SH3GL2: variants seen among roughly 807,000 people sequenced by gnomAD.
SH3GL2 encodes endophilin-A1.
Under a neutral mutation model 46.0 loss-of-function variants are expected in SH3GL2, and 24 were observed. The ratio of observed to expected loss-of-function variants is 0.52; its 90% CI spans 0.38 to 0.73. The LOEUF (loss-of-function observed/expected upper bound fraction) is 0.73. Among genes scored for constraint, SH3GL2 ranks in the 30% least tolerant of loss-of-function variants. SH3GL2 has a pLI of 0.00. For synonymous variants in SH3GL2, 196 were observed against 147.1 expected (o/e 1.33, Z -2.40); for missense variants, 413 against 424.2 (o/e 0.97, Z 0.23).
intron 1 of SH3GL2, among the ~76,000 whole-genome samples, chr9:17,649,590 A>G (rs547056742): frequency 1.3e-5 from 2 of 152,370 alleles, no homozygotes; most frequent in Admixed American, 1.3e-4. Context: ...TTAAATGGAA[A>G]AAATAGTTTA....
chr9:17,727,235 T>C (rs1307928693), intron 1 of SH3GL2, among the ~76,000 whole-genome samples: 4 of 152,184 alleles, frequency 2.6e-5, no homozygotes, highest in African/African-American at 9.6e-5. Context: ...TTTTATACTG[T>C]TTATGTAAGT....
chr9:17,755,976 G>T (rs1822977078), intron 2 of SH3GL2: 1 of 164,514 alleles, frequency 6.1e-6, no homozygotes, highest in East Asian at 1.9e-4. Flanking sequence ...ATTATTATTA[G>T]TGAAGCTAGC....
intron 3 of SH3GL2, among the ~76,000 whole-genome samples, chr9:17,784,412 T>C (rs1823898506): frequency 6.6e-6 from 1 of 152,200 alleles, no homozygotes; most frequent in Admixed American, 6.5e-5. Context: ...ATAGGATTTG[T>C]AGGGATTAAC....
intron 1 of SH3GL2, among the ~76,000 whole-genome samples, chr9:17,683,294 A>G (rs762598794): frequency 6.6e-6 from 1 of 152,066 alleles, no homozygotes; most frequent in African/African-American, 2.4e-5. Flanking sequence ...GGGCAAGGCA[A>G]GTGATGGAAG....
intron 3 of SH3GL2, among the ~76,000 whole-genome samples, chr9:17,767,256 A>G (rs1391912590): frequency 2.0e-5 from 3 of 152,142 alleles, no homozygotes; most frequent in African/African-American, 7.2e-5. Context: ...GGGTCATTCG[A>G]TGTCTATTTA....
chr9:17,617,484 A>C (rs1213529826), intron 1 of SH3GL2, among the ~76,000 whole-genome samples: 2 of 152,230 alleles, frequency 1.3e-5, no homozygotes, highest in African/African-American at 2.4e-5. Flanking sequence ...TATTCCTTGG[A>C]GCTTCCTAAA....
intron 1 of SH3GL2, among the ~76,000 whole-genome samples, chr9:17,684,824 C>A (rs79928892): frequency 0.052 from 7,875 of 152,106 alleles, 661 homozygotes; most frequent in African/African-American, 0.18. Context: ...ATTCCTATGT[C>A]CTTCAAAATA....
chr9:17,659,529 A>G (rs1251038193), intron 1 of SH3GL2, among the ~76,000 whole-genome samples: 2 of 152,162 alleles, frequency 1.3e-5, no homozygotes, highest in Admixed American at 6.6e-5. Flanking sequence ...GGAGACTAGG[A>G]AAATAGTTAA....
intron 3 of SH3GL2, among the ~76,000 whole-genome samples, chr9:17,768,391 A>AAAC (rs1563846462): frequency 1.3e-5 from 2 of 150,358 alleles, no homozygotes; most frequent in African/African-American, 4.9e-5. Flanking sequence ...AAAAAAAAAA[A>AAAC]CACCAGATTC....
chr9:17,638,156 C>CAAA lies in SH3GL2; in HGVS notation c.45+58877_45+58879dup, dbSNP rs10623700. On this transcript the variant is annotated intron_variant, in intron 1 of 8. Coordinates refer to ENST00000380607, the MANE Select transcript of SH3GL2 (RefSeq NM_003026.5). ...TGGGCGACAGAGCGAGACTCCCTCT[C>CAAA]AAAAAAAAAACAAAAAAACAAAAAA... is the stretch of plus-strand genomic sequence containing the variant. 2.6e-3 allele frequency among the ~76,000 whole-genome samples: 381 copies of CAAA among 145,608 alleles called. 4 individuals are homozygous for CAAA. Among genetic ancestry groups the CAAA allele is most frequent in the East Asian group, 7.3e-3 (36 of 4,908 alleles).
chr9:17,718,800 G>A (rs1193839177), intron 1 of SH3GL2, among the ~76,000 whole-genome samples: 4 of 152,128 alleles, frequency 2.6e-5, no homozygotes, highest in Non-Finnish European at 5.9e-5. Flanking sequence ...AGTGGGGGCT[G>A]CATTGTACTT....
intron 2 of SH3GL2, among the ~76,000 whole-genome samples, chr9:17,754,340 C>T (rs1470033535): frequency 6.6e-6 from 1 of 152,082 alleles, no homozygotes; most frequent in Non-Finnish European, 1.5e-5. Context: ...TTGTTTGTAT[C>T]ATCTCTGATT....
chr9:17,794,950 A>G (rs1413260398), intron 8 of SH3GL2, among the ~76,000 whole-genome samples: 4 of 152,254 alleles, frequency 2.6e-5, no homozygotes, highest in African/African-American at 4.8e-5. Flanking sequence ...GCGAAGTACC[A>G]TGTGCAAGGT....
intron 1 of SH3GL2, among the ~76,000 whole-genome samples, chr9:17,638,743 C>G (rs1819606051): frequency 1.3e-5 from 2 of 152,170 alleles, no homozygotes; most frequent in African/African-American, 4.8e-5. Flanking sequence ...GTAGGTGGGC[C>G]TCCCCTCAGC....
chr9:17,754,544 G>A (rs1016822192), intron 2 of SH3GL2, among the ~76,000 whole-genome samples: 2 of 152,034 alleles, frequency 1.3e-5, no homozygotes, highest in African/African-American at 4.8e-5. Flanking sequence ...ATGGTGGCAG[G>A]CGCCTGTAGT....
chr9:17,740,577 G>A (rs1822498378), intron 1 of SH3GL2, among the ~76,000 whole-genome samples: 1 of 152,064 alleles, frequency 6.6e-6, no homozygotes, highest in Admixed American at 6.6e-5. Flanking sequence ...ATTATCAGAG[G>A]TGATGCCTTT....
chr9:17,737,911 A>G (rs1822389862), intron 1 of SH3GL2, among the ~76,000 whole-genome samples: 1 of 151,912 alleles, frequency 6.6e-6, no homozygotes, highest in South Asian at 2.1e-4. Flanking sequence ...CCCTAATCCC[A>G]TGTCTGTTCA....
intron 1 of SH3GL2, among the ~76,000 whole-genome samples, chr9:17,672,214 A>G (rs556067236): frequency 6.6e-6 from 1 of 152,332 alleles, no homozygotes; most frequent in South Asian, 2.1e-4. Flanking sequence ...ATATGTATGT[A>G]GTGTGGTTTG....
At chr9:17,592,976 C>T (rs775493233) in intron 1 of SH3GL2, among the ~76,000 whole-genome samples, 4 of 152,166 alleles carry the variant, frequency 2.6e-5, no homozygotes, top group Non-Finnish European at 4.4e-5. Flanking sequence ...GTAATGAAGC[C>T]TCCATAAAAA....
Sources: gnomAD v4.1 joint callset for allele counts (sites outside exome capture counted in the v4.1 genomes callset) on GRCh38, gnomAD v4.1.1 for gene constraint, MANE v1.5 for transcripts, NCBI Gene and HGNC (gene_info 2026-07-23, HGNC 2026-07-21) for gene names.